Variants in ABCA1 observed in about 807,000 individuals in gnomAD.
ABCA1 encodes the protein phospholipid-transporting ATPase ABCA1.
ABCA1 carries 133 observed loss-of-function variants against 262.5 expected under a neutral mutation model. The ratio of observed to expected loss-of-function variants is 0.51; its 90% CI spans 0.44 to 0.59. ABCA1 has a LOEUF of 0.59. ABCA1 is among the 20% of genes least tolerant of loss of function. ABCA1 has a pLI of 0.00. For synonymous variants in ABCA1, 1,022 were observed against 1,043.5 expected (o/e 0.98, Z 0.40); for missense variants, 2,452 against 2,777.5 (o/e 0.88, Z 2.63).
chr9:104,825,155 T>C (rs1028531659), intron 17 of ABCA1, among the ~76,000 whole-genome samples: 2 of 152,194 alleles, frequency 1.3e-5, no homozygotes, highest in African/African-American at 4.8e-5. Flanking sequence ...AGGCAGGCCT[T>C]AGAGCTAGTA....
At chr9:104,832,502 TG>T in intron 12 of ABCA1, 71 bp downstream of exon 12, 1 of 1,542,710 alleles carries the variant, frequency 6.5e-7, no homozygotes, top group Non-Finnish European at 9.0e-7. Context: ...GCCTCCTGCC[TG>T]AACCTTATTG....
chr9:104,903,920 GC>G, intron 1 of ABCA1, 149 bp from the exon 2 acceptor site: 1 of 595,248 alleles, frequency 1.7e-6, no homozygotes, highest in Non-Finnish European at 3.0e-6. Flanking sequence ...TGAGTCACCA[GC>G]TCCCAGCCTC....
At chr9:104,811,476 G>C (rs4149319) in intron 28 of ABCA1, among the ~76,000 whole-genome samples, 1 of 152,066 alleles carries the variant, frequency 6.6e-6, no homozygotes, top group Non-Finnish European at 1.5e-5. Flanking sequence ...GACAACCATA[G>C]TCATTATCTC....
intron 30 of ABCA1, among the ~76,000 whole-genome samples, chr9:104,809,010 T>C (rs1332562731): frequency 1.3e-5 from 2 of 152,236 alleles, no homozygotes. Context: ...AATAAAAATA[T>C]ACAATTTGAG....
chr9:104,887,046 G>A (rs1278861231), intron 3 of ABCA1, among the ~76,000 whole-genome samples: 1 of 152,262 alleles, frequency 6.6e-6, no homozygotes, highest in Non-Finnish European at 1.5e-5. Context: ...GGGAGGCTGA[G>A]GCGGGCGAAT....
At position 104,796,395 on chromosome 9, in the gene ABCA1, G is replaced by T; in HGVS notation, c.5151C>A (p.Val1717=). The change falls in exon 38 of 50, where the codon GTC becomes GTA. Residue 1717 remains valine (V), a synonymous_variant. Transcript: ENST00000374736. ...MCNYVVPATL[V]IIIFICFQQK... ...GCTGGAAGCAGATGAAGATGATAATGACCAGTGTGGCAGGGACAACGTAAT... is the reference window on the plus strand; with the variant it reads ...GCTGGAAGCAGATGAAGATGATAATTACCAGTGTGGCAGGGACAACGTAAT... 6.2e-7 allele frequency: 1 copy of T among 1,614,170 alleles called. No individual in the cohort carries two copies. The highest frequency in any genetic ancestry group is 1.1e-5 in the South Asian group (1 of 91,070).
intron 38 of ABCA1, 25 bp from the exon 39 acceptor site, chr9:104,796,222 G>A: frequency 6.2e-7 from 1 of 1,614,142 alleles, no homozygotes; most frequent in Non-Finnish European, 8.5e-7. Flanking sequence ...AAAGATAAGT[G>A]TCTACTGAGA....
At chr9:104,916,160 C>A in intron 1 of ABCA1, among the ~76,000 whole-genome samples, 1 of 152,074 alleles carries the variant, frequency 6.6e-6, no homozygotes, top group East Asian at 1.9e-4. Flanking sequence ...TTCTCGTGAA[C>A]TCAAGGTTTT....
At chr9:104,867,334 G>A (rs1448197621) in intron 5 of ABCA1, among the ~76,000 whole-genome samples, 1 of 152,196 alleles carries the variant, frequency 6.6e-6, no homozygotes, top group Admixed American at 6.5e-5. Flanking sequence ...TGTACCTGCA[G>A]ACCTAGTATA....
chr9:104,799,372 T>C (rs1254755613), intron 36 of ABCA1: 1 of 859,866 alleles, frequency 1.2e-6, no homozygotes, highest in African/African-American at 1.9e-5. Context: ...TACTTTAAAC[T>C]AGCTCATCCT....
Position 104,831,658 on chromosome 9 carries a change from A to G in ABCA1, c.1679T>C (p.Ile560Thr), listed in dbSNP as rs151167856. The change falls in exon 13 of 50, where the codon ATT (isoleucine) becomes ACT (threonine). Residue 560 changes from isoleucine (I) to threonine (T), a missense_variant. Ile to Thr is a moderately conservative substitution (Grantham distance 89, BLOSUM62 -1). Transcript: ENST00000374736. ...HHVKYKIRMD[I>T]DNVERTNKIK... is the part of the protein sequence containing the mutation. ...TTTATTTGTCCTCTCCACATTGTCA[A>G]TGTCCATTCGGATCTTGTACTTGAC... 1.9e-5 allele frequency: 30 copies of G among 1,614,060 alleles called. No individual in the cohort carries two copies. The highest frequency in any genetic ancestry group is 8.3e-5 in the Admixed American group (5 of 60,010).
intron 6 of ABCA1, among the ~76,000 whole-genome samples, chr9:104,859,907 T>C (rs913109448): frequency 5.3e-5 from 8 of 151,836 alleles, no homozygotes; most frequent in Non-Finnish European, 8.8e-5. Flanking sequence ...ATACAACAAT[T>C]AGCCAGGTGT....
chr9:104,832,157 A>G (rs569708028), intron 12 of ABCA1, among the ~76,000 whole-genome samples: 48 of 152,234 alleles, frequency 3.2e-4, no homozygotes, highest in African/African-American at 1.1e-3. Flanking sequence ...AGACCAAAAC[A>G]CCTCTTACCC....
chr9:104,826,787 A>G (rs1832845814), intron 16 of ABCA1, among the ~76,000 whole-genome samples, 161 bp downstream of exon 16: 1 of 152,174 alleles, frequency 6.6e-6, no homozygotes, highest in Non-Finnish European at 1.5e-5. Flanking sequence ...ATAAAACACA[A>G]TGCTTGCCCT....
intron 39 of ABCA1, among the ~76,000 whole-genome samples, chr9:104,795,296 G>T (rs1829801564): frequency 6.6e-6 from 1 of 152,242 alleles, no homozygotes; most frequent in Non-Finnish European, 1.5e-5. Context: ...GGGAAAGGGT[G>T]TGGTGGGTAT....
intron 7 of ABCA1, among the ~76,000 whole-genome samples, chr9:104,854,839 C>G (rs1415901880): frequency 6.6e-6 from 1 of 152,214 alleles, no homozygotes; most frequent in Non-Finnish European, 1.5e-5. Flanking sequence ...CATATATCCA[C>G]CCACCTTTGT....
In ABCA1 at chr9:104,825,748, G is replaced by C. The variant is rs757169392; in HGVS notation, c.2477C>G (p.Ser826Cys). 1.2e-6 allele frequency: 2 copies of C among 1,614,220 alleles called. No individual in the cohort carries two copies. The highest frequency in any genetic ancestry group is 8.5e-7 in the Non-Finnish European group (1 of 1,180,038). ...GAGGAAGGTGTCAAACAGCATCATG[G>C]AGACCGAAGTGGTGAGATTGAAGCC... Reference protein sequence around the residue: ...EDGFNLTTSVSMMLFDTFLYG... With the variant: ...EDGFNLTTSVCMMLFDTFLYG... The change falls in exon 17 of 50, where the codon TCC (serine) becomes TGC (cysteine). Residue 826 changes from serine (S) to cysteine (C), a missense_variant. Ser to Cys is a moderately radical substitution (Grantham distance 112, BLOSUM62 -1). Coordinates refer to ENST00000374736, the MANE Select transcript of ABCA1 (RefSeq NM_005502.4).
In ABCA1 at chr9:104,830,797, G is replaced by A. The variant is rs565589694; in HGVS notation, c.1892+128C>T. 43 of 1,081,094 alleles carry A rather than the reference G, an allele frequency of 4.0e-5. No individual in the cohort carries two copies. The African/African-American group carries it at 5.3e-4, about 13-fold the overall frequency. 67.0% of individuals were successfully genotyped at this position (1,081,094 alleles called of 1,614,324 possible). ...CTATGTCTGTCATGTGGCTGCAACT[G>A]TTGACAACTTACATCTGGCATCTTA... On this transcript the variant is annotated intron_variant, in intron 14 of 49. Coordinates refer to ENST00000374736, the MANE Select transcript of ABCA1 (RefSeq NM_005502.4).
chr9:104,831,200 C>G (rs1833287937), intron 13 of ABCA1, 99 bp from the exon 14 acceptor site: 2 of 1,133,118 alleles, frequency 1.8e-6, no homozygotes, highest in South Asian at 2.9e-5. Context: ...CCTTACCAAG[C>G]CCCTTTTTCT....
Sources: allele counts gnomAD v4.1 joint callset (sites outside exome capture counted in the v4.1 genomes callset), GRCh38; gene constraint gnomAD v4.1.1; transcripts MANE v1.5; gene names NCBI Gene and HGNC (gene_info 2026-07-23, HGNC 2026-07-21).